Variants in GOLGA3 observed in about 807,000 individuals in gnomAD.
The protein encoded by GOLGA3 is golgin A3.
GOLGA3 carries 75 observed loss-of-function variants against 169.4 expected under a neutral mutation model. That is an observed-to-expected ratio of 0.44 (90% CI 0.37 to 0.54). The LOEUF is 0.54. GOLGA3 is among the 20% of genes least tolerant of loss of function. GOLGA3 has a pLI of 0.00. For synonymous variants in GOLGA3, 824 were observed against 822.4 expected (o/e 1.00, Z -0.03); for missense variants, 1,899 against 1,930.0 (o/e 0.98, Z 0.30).
At position 132,773,001 on chromosome 12, in the gene GOLGA3, A is replaced by T. The variant is rs2044980016; in HGVS notation, c.*104T>A. On this transcript the variant is annotated 3_prime_UTR_variant, in exon 24 of 24. Coordinates refer to ENST00000450791, the MANE Select transcript of GOLGA3 (RefSeq NM_001389683.1). ...TTACTTCTTGTTAAAGGCAAAACAA[A>T]ACTTAAATTTCATGTCTTAGAAAAA... The T allele has an allele frequency of 1.1e-6, 1 of 880,334 alleles. No individual in the cohort carries two copies. Among genetic ancestry groups the T allele is most frequent in the Non-Finnish European group, 1.7e-6 (1 of 595,334 alleles). 54.5% of individuals were successfully genotyped at this position (880,334 alleles called of 1,614,324 possible). A position where few individuals can be genotyped will look rare whatever the true frequency, so the allele number is the denominator to read the frequency against.
intron 4 of GOLGA3, among the ~76,000 whole-genome samples, chr12:132,809,919 C>T (rs1949619095): frequency 6.6e-6 from 1 of 152,032 alleles, no homozygotes; most frequent in Non-Finnish European, 1.5e-5. Context: ...GGCTACTCTC[C>T]AGTTTATTTT....
intron 8 of GOLGA3, among the ~76,000 whole-genome samples, chr12:132,800,654 T>A (rs1288781095): frequency 6.6e-6 from 1 of 151,950 alleles, no homozygotes; most frequent in Non-Finnish European, 1.5e-5. Context: ...GAAAAAAAAA[T>A]TCCACAGCTA....
chr12:132,810,816 C>T (rs1949668278), intron 4 of GOLGA3, among the ~76,000 whole-genome samples: 1 of 152,202 alleles, frequency 6.6e-6, no homozygotes, highest in Non-Finnish European at 1.5e-5. Context: ...TGACGTCAGT[C>T]AGGCCCGCGC....
chr12:132,785,820 G>A (rs1437799102), intron 15 of GOLGA3, among the ~76,000 whole-genome samples: 3 of 152,232 alleles, frequency 2.0e-5, no homozygotes, highest in African/African-American at 4.8e-5. Context: ...GACAGAGCAC[G>A]GAGGGCCACG....
rs1316806780 is a variant in GOLGA3, at chr12:132,816,714, G to T, written c.232C>A (p.Pro78Thr). ...GTGGTGGGATCGAGAGACGACGGAGGGTCTGGGAAGGGTGGCGTTGGCCCG... is the reference window on the plus strand; with the variant it reads ...GTGGTGGGATCGAGAGACGACGGAGTGTCTGGGAAGGGTGGCGTTGGCCCG... Reference protein sequence around the residue: ...QNGPTPPFPDPPSSLDPTTSP... With the variant: ...QNGPTPPFPDTPSSLDPTTSP... The change falls in exon 3 of 24, where the codon CCT (proline) becomes ACT (threonine). Residue 78 changes from proline (P) to threonine (T), a missense_variant. Physicochemically the swap from Pro to Thr is conservative, Grantham distance 38 (BLOSUM62 -1). Transcript: ENST00000450791. 6.2e-7 allele frequency: 1 copy of T among 1,614,122 alleles called. No individual in the cohort carries two copies. Among genetic ancestry groups the T allele is most frequent in the Non-Finnish European group, 8.5e-7 (1 of 1,179,978 alleles).
chr12:132,820,507 C>G (rs987156846), intron 2 of GOLGA3, among the ~76,000 whole-genome samples: 1 of 152,150 alleles, frequency 6.6e-6, no homozygotes, highest in African/African-American at 2.4e-5. Context: ...ATCTGCCTCA[C>G]CTGATGCTTA....
intron 18 of GOLGA3, among the ~76,000 whole-genome samples, chr12:132,779,776 C>A (rs540962163): frequency 7.6e-6 from 1 of 131,592 alleles, no homozygotes. Flanking sequence ...TGGACACCCC[C>A]CCCGTGCACA....
At position 132,807,965 on chromosome 12, in the gene GOLGA3, T is replaced by C; in HGVS notation, c.1104A>G (p.Ala368=). Residue 368 remains alanine, a synonymous_variant, in exon 5 of 24, where the codon GCA becomes GCG. Coordinates refer to ENST00000450791, the MANE Select transcript of GOLGA3 (RefSeq NM_001389683.1). The part of the protein sequence containing the change: ...FPSIKDVLQA[A]AAEHQDQGQE... ...GCCCCTGGTCTTGGTGCTCAGCGGC[T>C]GCGGCCTGGAGGACGTCCTTAATGG... 5 of 1,613,238 alleles carry C rather than the reference T, an allele frequency of 3.1e-6. No homozygotes were observed. The highest frequency in any genetic ancestry group is 4.2e-6 in the Non-Finnish European group (5 of 1,179,778).
In GOLGA3 at chr12:132,777,832, A is replaced by T; in HGVS notation, c.3583-27T>A. The T allele has an allele frequency of 6.2e-7, 1 of 1,611,810 alleles. No individual in the cohort carries two copies. Among genetic ancestry groups the T allele is most frequent in the Non-Finnish European group, 8.5e-7 (1 of 1,179,088 alleles). The stretch of plus-strand genomic sequence containing the variant: ...TAGGAGGAAGGAAGCCACGTTGTCC[A>T]TGCCCTGCGTGACACCCACAGCTTT... On this transcript the variant is annotated intron_variant, in intron 18 of 23. Coordinates refer to ENST00000450791, the MANE Select transcript of GOLGA3 (RefSeq NM_001389683.1). The surrounding 1 kb of genome is among the most constrained non-coding windows in gnomAD (Gnocchi z 4.7).
chr12:132,807,033 C>T (rs529824232), intron 6 of GOLGA3, 144 bp downstream of exon 6: 23 of 558,370 alleles, frequency 4.1e-5, no homozygotes, highest in Non-Finnish European at 6.5e-5. Flanking sequence ...AGACAAAAAA[C>T]GTAAAGATGC....
intron 23 of GOLGA3, among the ~76,000 whole-genome samples, chr12:132,773,914 C>A (rs2045061902): frequency 6.7e-6 from 1 of 148,994 alleles, no homozygotes; most frequent in African/African-American, 2.5e-5. Context: ...GTGCGAGTCC[C>A]CCTCCCCCTT....
At position 132,773,001 on chromosome 12, in the gene GOLGA3, A is replaced by G. The variant is rs2044980016; in HGVS notation, c.*104T>C. The G allele has an allele frequency of 1.1e-6, 1 of 880,452 alleles. No homozygotes were observed. The highest frequency in any genetic ancestry group is 1.7e-6 in the Non-Finnish European group (1 of 595,326). 54.5% of individuals were successfully genotyped at this position (880,452 alleles called of 1,614,324 possible). A position where few individuals can be genotyped will look rare whatever the true frequency, so the allele number is the denominator to read the frequency against. On this transcript the variant is annotated 3_prime_UTR_variant, in exon 24 of 24. Coordinates refer to ENST00000450791, the MANE Select transcript of GOLGA3 (RefSeq NM_001389683.1). ...TTACTTCTTGTTAAAGGCAAAACAA[A>G]ACTTAAATTTCATGTCTTAGAAAAA...
intron 11 of GOLGA3, among the ~76,000 whole-genome samples, chr12:132,792,456 G>T (rs1209157706): frequency 6.6e-6 from 1 of 152,224 alleles, no homozygotes; most frequent in Non-Finnish European, 1.5e-5. Context: ...ACAGGCTGAG[G>T]GTGCTGACCC....
rs548993727 is a variant in GOLGA3, at chr12:132,789,022, C to T, written c.2811+5G>A. On this transcript the variant is annotated splice_donor_5th_base_variant and intron_variant, in intron 13 of 23. Transcript: ENST00000450791. Reference sequence around the variant, plus strand: ...ATCAAATGAGTCAACCCGACACGGACAGACCTGCAAGTGTGTTTCCATCTC... The same window carrying T: ...ATCAAATGAGTCAACCCGACACGGATAGACCTGCAAGTGTGTTTCCATCTC... 551 of 1,529,566 alleles carry T rather than the reference C, an allele frequency of 3.6e-4. 6 individuals carry two copies. In the South Asian group the frequency reaches 3.7e-3, roughly 10 times the overall value. 94.7% of individuals were successfully genotyped at this position (1,529,566 alleles called of 1,614,324 possible). A position where few individuals can be genotyped will look rare whatever the true frequency, so the allele number is the denominator to read the frequency against.
At chr12:132,783,964 A>G in intron 16 of GOLGA3, 200 bp downstream of exon 16, 1 of 1,465,432 alleles carries the variant, frequency 6.8e-7, no homozygotes, top group Non-Finnish European at 9.0e-7. Context: ...GAGGCTGTAC[A>G]GTGATCCTCC....
chr12:132,812,611 G>C (rs762891705), intron 4 of GOLGA3, among the ~76,000 whole-genome samples: 1 of 152,214 alleles, frequency 6.6e-6, no homozygotes. Flanking sequence ...CAGTGCTTCC[G>C]TGGAGAACTT....
intron 4 of GOLGA3, among the ~76,000 whole-genome samples, chr12:132,809,446 C>G (rs1233404221): frequency 1.3e-5 from 2 of 150,884 alleles, no homozygotes; most frequent in East Asian, 2.0e-4. Context: ...GCCCCCCCGC[C>G]CCCCGGTTCC....
At position 132,804,789 on chromosome 12, in the gene GOLGA3, G is replaced by A. The variant is rs748209097; in HGVS notation, c.1524C>T (p.Ala508=). 36 of 1,614,058 alleles carry A rather than the reference G, an allele frequency of 2.2e-5. No individual in the cohort carries two copies. Among genetic ancestry groups the A allele is most frequent in the African/African-American group, 8.0e-5 (6 of 74,912 alleles). The change falls in exon 7 of 24, where the codon GCC becomes GCT. Residue 508 remains alanine (A), a synonymous_variant. Transcript: ENST00000450791. The surrounding 1 kb of genome is among the most constrained non-coding windows in gnomAD (Gnocchi z 4.1). ...CCATAAGCCTCTGGTACTGCTCCTC[G>A]GCCACCTGCAAGTCGTTGTTGGACG... ...LASSNNDLQV[A]EEQYQRLMAK...
At chr12:132,814,768 G>A (rs774206071) in intron 3 of GOLGA3, among the ~76,000 whole-genome samples, 5 of 152,232 alleles carry the variant, frequency 3.3e-5, no homozygotes, top group African/African-American at 4.8e-5. Context: ...GTCATGCTCC[G>A]GGACAGGAGG....
Sources: gnomAD v4.1 joint callset for allele counts (sites outside exome capture counted in the v4.1 genomes callset) on GRCh38, gnomAD v4.1.1 for gene constraint, Gnocchi (gnomAD v3.1) non-coding constraint, MANE v1.5 for transcripts, NCBI Gene and HGNC (gene_info 2026-07-23, HGNC 2026-07-21) for gene names.